Variants in EIF4G3 observed in about 807,000 individuals in gnomAD.
EIF4G3 encodes the protein eukaryotic translation initiation factor 4 gamma 3, also known as eIF-4-gamma 3.
EIF4G3 carries 34 observed loss-of-function variants against 186.4 expected under a neutral mutation model. The ratio of observed to expected loss-of-function variants is 0.18; its 90% CI spans 0.14 to 0.24. The LOEUF (loss-of-function observed/expected upper bound fraction) is 0.24, where lower values mean the gene tolerates loss of function less well. Ranked by LOEUF, EIF4G3 falls within the 10% of genes least tolerant of loss-of-function variation. The pLI is 1.00. For synonymous variants in EIF4G3, 673 were observed against 679.5 expected (o/e 0.99, Z 0.15); for missense variants, 1,536 against 1,948.5 (o/e 0.79, Z 3.99).
intron 2 of EIF4G3, among the ~76,000 whole-genome samples, chr1:21,124,043 C>G (rs2096977146): frequency 6.6e-6 from 1 of 152,108 alleles, no homozygotes; most frequent in Non-Finnish European, 1.5e-5. Context: ...GTAATCCCAG[C>G]ACTTTGGGAG....
At chr1:21,025,890 T>C (rs1172932513) in intron 4 of EIF4G3, among the ~76,000 whole-genome samples, 2 of 152,140 alleles carry the variant, frequency 1.3e-5, no homozygotes, top group African/African-American at 2.4e-5. Flanking sequence ...TGAGAGTGGA[T>C]GAGATAACCT....
chr1:20,831,280 T>A (rs903269548), intron 30 of EIF4G3, among the ~76,000 whole-genome samples: 40 of 146,082 alleles, frequency 2.7e-4, no homozygotes, highest in African/African-American at 9.3e-4. Context: ...AAATATTAAT[T>A]TTTTTTTTTT....
rs1290261406 is a variant in EIF4G3 at position 20,886,295 on chromosome 1, T to C, written c.2330A>G (p.Lys777Arg). The change falls in exon 19 of 37, where the codon AAA becomes AGA. Residue 777 changes from lysine to arginine, a missense_variant. Coordinates refer to ENST00000602326, the MANE Select transcript of EIF4G3 (RefSeq NM_001391906.1). ...TGCCTTTTTCAGGTGTACATCTTCT[T>C]TTACAGAAACTGTGATGATCTTTCT... ...EPRKIITVSV[K>R]EDVHLKKAEN... is the part of the protein sequence containing the mutation. 1 of 1,614,162 alleles carries C rather than the reference T, an allele frequency of 6.2e-7. No individual in the cohort carries two copies. The highest frequency in any genetic ancestry group is 8.5e-7 in the Non-Finnish European group (1 of 1,180,014).
intron 14 of EIF4G3, among the ~76,000 whole-genome samples, chr1:20,912,813 A>G (rs1381467968): frequency 1.3e-5 from 2 of 152,188 alleles, no homozygotes; most frequent in African/African-American, 4.8e-5. Flanking sequence ...TTGTCCCTCT[A>G]GAGTTCCTAT....
intron 12 of EIF4G3, among the ~76,000 whole-genome samples, chr1:20,968,659 T>A (rs2154565399): frequency 1.3e-5 from 2 of 152,296 alleles, no homozygotes; most frequent in Admixed American, 1.3e-4. Context: ...TATTAATAAG[T>A]TCCACATTCA....
At chr1:20,983,373 C>T (rs2078716723) in intron 7 of EIF4G3, among the ~76,000 whole-genome samples, 1 of 152,104 alleles carries the variant, frequency 6.6e-6, no homozygotes, top group South Asian at 2.1e-4. Context: ...CTACAGGAAC[C>T]ATCTTCTAGT....
At chr1:20,857,686 T>C (rs908482574) in intron 24 of EIF4G3, among the ~76,000 whole-genome samples, 189 bp from the exon 25 acceptor site, 1 of 152,202 alleles carries the variant, frequency 6.6e-6, no homozygotes, top group African/African-American at 2.4e-5. Context: ...AAGCACCCTG[T>C]ATCAGCAGAA....
chr1:21,124,574 T>C (rs1443566320), intron 2 of EIF4G3, among the ~76,000 whole-genome samples: 2 of 152,216 alleles, frequency 1.3e-5, no homozygotes, highest in Non-Finnish European at 2.9e-5. Flanking sequence ...TTCATGGGAC[T>C]ATAAGGTAGA....
At chr1:20,844,027 G>A (rs1351429151) in intron 29 of EIF4G3, among the ~76,000 whole-genome samples, 1 of 152,176 alleles carries the variant, frequency 6.6e-6, no homozygotes, top group Non-Finnish European at 1.5e-5. Flanking sequence ...TGGTGTCTAT[G>A]TACCGCATTT....
chr1:20,808,965 A>G (rs1223223810), intron 36 of EIF4G3, among the ~76,000 whole-genome samples: 1 of 152,078 alleles, frequency 6.6e-6, no homozygotes, highest in African/African-American at 2.4e-5. Flanking sequence ...TAGGTTTATC[A>G]TGAGTCGTAT....
rs1348201001 is a variant in EIF4G3, at chr1:20,942,041, G to C, written c.1113C>G (p.Ser371Arg). 1 of 1,614,128 alleles carries C rather than the reference G, an allele frequency of 6.2e-7. No homozygotes were observed. Among genetic ancestry groups the C allele is most frequent in the Non-Finnish European group, 8.5e-7 (1 of 1,179,990 alleles). ...SPREDTIPIP[S>R]LTSCTETSDP... ...CTGATGTTTCTGTGCAAGATGTGAG[G>C]CTGGGTATAGGAATTGTGTCTTCTC... Residue 371 changes from serine to arginine, a missense_variant, in exon 14 of 37, where the codon AGC (serine) becomes AGG (arginine). Physicochemically the swap from Ser to Arg is moderately radical, Grantham distance 110 (BLOSUM62 -1). Coordinates refer to ENST00000602326, the MANE Select transcript of EIF4G3 (RefSeq NM_001391906.1).
chr1:21,004,255 G>C (rs2084414168), intron 4 of EIF4G3, among the ~76,000 whole-genome samples: 1 of 152,086 alleles, frequency 6.6e-6, no homozygotes, highest in South Asian at 2.1e-4. Context: ...CTTAGAATAA[G>C]TGATAATGTA....
intron 11 of EIF4G3, among the ~76,000 whole-genome samples, chr1:20,972,403 G>A (rs565234064): frequency 1.4e-4 from 22 of 152,192 alleles, no homozygotes; most frequent in Non-Finnish European, 1.5e-4. Flanking sequence ...GGAGGCCAAG[G>A]TAGGCAGATT....
At chr1:21,072,805 C>T (rs780703322) in intron 3 of EIF4G3, among the ~76,000 whole-genome samples, 9 of 152,156 alleles carry the variant, frequency 5.9e-5, no homozygotes, top group African/African-American at 9.6e-5. Context: ...ATCAAATAAA[C>T]GGTATGAATA....
chr1:20,963,802 A>C (rs1444244296), intron 12 of EIF4G3, among the ~76,000 whole-genome samples: 1 of 152,030 alleles, frequency 6.6e-6, no homozygotes, highest in East Asian at 1.9e-4. Context: ...TAAAAATACA[A>C]AAATTAGCTG....
intron 2 of EIF4G3, among the ~76,000 whole-genome samples, chr1:21,094,115 T>C (rs1194161697): frequency 1.3e-5 from 2 of 151,680 alleles, no homozygotes; most frequent in Non-Finnish European, 2.9e-5. Flanking sequence ...AAAAATTTTT[T>C]TTTTTTTTTA....
chr1:20,861,125 C>A (rs2076222700), intron 23 of EIF4G3, among the ~76,000 whole-genome samples: 1 of 152,202 alleles, frequency 6.6e-6, no homozygotes, highest in Non-Finnish European at 1.5e-5. Context: ...GTCCCAACAT[C>A]TGATATAAGT....
At chr1:21,075,829 T>C (rs1381511992) in intron 3 of EIF4G3, among the ~76,000 whole-genome samples, 1 of 152,074 alleles carries the variant, frequency 6.6e-6, no homozygotes, top group East Asian at 1.9e-4. Context: ...CAGACATATA[T>C]AGCAAGTACT....
intron 4 of EIF4G3, among the ~76,000 whole-genome samples, chr1:21,017,967 C>T (rs552428903): frequency 6.6e-6 from 1 of 152,086 alleles, no homozygotes; most frequent in Admixed American, 6.6e-5. Context: ...GAGACAAGGT[C>T]TCACTCTGTT....
Sources: gnomAD v4.1 joint callset for allele counts (sites outside exome capture counted in the v4.1 genomes callset) on GRCh38, gnomAD v4.1.1 for gene constraint, MANE v1.5 for transcripts, NCBI Gene and HGNC (gene_info 2026-07-23, HGNC 2026-07-21) for gene names.